The following GPHN variants were observed in gnomAD, a reference collection of about 807,000 sequenced individuals.
The protein encoded by GPHN is gephyrin.
In GPHN, 17 loss-of-function variants were observed where a neutral mutation model predicts 95.5. The ratio of observed to expected loss-of-function variants is 0.18; its 90% CI spans 0.12 to 0.27. The LOEUF (loss-of-function observed/expected upper bound fraction) is 0.27. Ranked by LOEUF, GPHN falls within the 10% of genes least tolerant of loss-of-function variation. GPHN has a pLI of 1.00. For synonymous variants in GPHN, 320 were observed against 322.5 expected (o/e 0.99, Z 0.08); for missense variants, 660 against 978.1 (o/e 0.67, Z 4.34).
chr14:67,646,949 T>C, the GPHN span: 1 of 1,610,108 alleles, frequency 6.2e-7, no homozygotes, highest in Non-Finnish European at 8.5e-7. Flanking sequence ...TGATATCCAG[T>C]ATTTTTCCAT....
Position 67,070,715 on chromosome 14 carries a change from A to AAAAAAATATATATATATATATATAT in GPHN, c.1144+11930_1144+11931insAAAAATATATATATATATATATATA. On this transcript the variant is annotated intron_variant, in intron 11 of 22. Coordinates refer to ENST00000478722, the MANE Select transcript of GPHN (RefSeq NM_020806.5). Reference sequence around the variant, plus strand: ...ATCTCAAAAAAAAAAAAAAAAAAAAAATATATATATATATCCAATCAGCAT... The same window carrying AAAAAAATATATATATATATATATAT: ...ATCTCAAAAAAAAAAAAAAAAAAAAAAAAAAATATATATATATATATATATATATATATATATATCCAATCAGCAT... 1.7e-4 allele frequency among the ~76,000 whole-genome samples: 14 copies of AAAAAAATATATATATATATATATAT among 80,668 alleles called. No homozygotes were observed. In the East Asian group the frequency reaches 3.2e-3, roughly 18 times the overall value. 52.9% of individuals were successfully genotyped at this position (80,668 alleles called of 152,430 possible).
chr14:67,289,994 G>A, the GPHN span, among the ~76,000 whole-genome samples: 2 of 151,854 alleles, frequency 1.3e-5, no homozygotes, highest in East Asian at 1.9e-4. Context: ...GGATGGTCTC[G>A]ATCTCCTGAC....
intron 4 of GPHN, among the ~76,000 whole-genome samples, chr14:66,853,351 G>A (rs970880437): frequency 2.0e-5 from 3 of 152,098 alleles, no homozygotes; most frequent in African/African-American, 7.2e-5. Flanking sequence ...AATAAAGTAT[G>A]CCTGTTAATC....
the GPHN span, among the ~76,000 whole-genome samples, chr14:67,249,700 CAAA>C: frequency 1.4e-4 from 21 of 152,284 alleles, no homozygotes; most frequent in Admixed American, 2.6e-4. Context: ...AAACTTCACA[CAAA>C]AAGTTGAGGA....
intron 21 of GPHN, among the ~76,000 whole-genome samples, chr14:67,175,288 C>T (rs1848725501): frequency 6.6e-6 from 1 of 152,172 alleles, no homozygotes; most frequent in Non-Finnish European, 1.5e-5. Context: ...TTTCAGCTTT[C>T]TACTTATGGC....
intron 2 of GPHN, among the ~76,000 whole-genome samples, chr14:66,723,638 A>C (rs1365354919): frequency 6.6e-6 from 1 of 152,066 alleles, no homozygotes; most frequent in Non-Finnish European, 1.5e-5. Context: ...CTTAGGTTGC[A>C]TTTATAGTTT....
At chr14:67,718,372 A>G in the GPHN span, among the ~76,000 whole-genome samples, 3 of 152,342 alleles carry the variant, frequency 2.0e-5, no homozygotes, top group East Asian at 5.8e-4. Flanking sequence ...AAGAGGCTCC[A>G]TTCTTAGTAG....
chr14:66,601,112 CAA>C (rs1478365412), intron 1 of GPHN, among the ~76,000 whole-genome samples: 1 of 151,988 alleles, frequency 6.6e-6, no homozygotes, highest in African/African-American at 2.4e-5. Context: ...GTTGAACAAT[CAA>C]TGAGTGTTTG....
chr14:67,576,574 A>G, the GPHN span: 1 of 792,350 alleles, frequency 1.3e-6, no homozygotes, highest in Non-Finnish European at 2.2e-6. The surrounding 1 kb of genome is among the most constrained non-coding windows in gnomAD (Gnocchi z 4.0). Context: ...CAAGATCCCA[A>G]AGAAAGCAGT....
chr14:67,032,273 C>T, intron 10 of GPHN, among the ~76,000 whole-genome samples: 1 of 152,238 alleles, frequency 6.6e-6, no homozygotes, highest in Middle Eastern at 3.4e-3. Context: ...GATGGAACTA[C>T]CACAGTTTGA....
the GPHN span, among the ~76,000 whole-genome samples, chr14:67,479,345 G>A: frequency 6.6e-6 from 1 of 151,198 alleles, no homozygotes; most frequent in Non-Finnish European, 1.5e-5. Context: ...CCAGGAGGTG[G>A]AGGTAGCAGT....
At chr14:66,930,682 T>C (rs1168242223) in intron 8 of GPHN, among the ~76,000 whole-genome samples, 4 of 152,026 alleles carry the variant, frequency 2.6e-5, no homozygotes, top group Admixed American at 2.0e-4. Context: ...CGCAACACCA[T>C]GACCAACTAA....
the GPHN span, among the ~76,000 whole-genome samples, chr14:67,262,530 T>G: frequency 6.6e-6 from 1 of 152,170 alleles, no homozygotes; most frequent in Non-Finnish European, 1.5e-5. Context: ...AGTGATCACT[T>G]TTCATTCCTT....
the GPHN span, among the ~76,000 whole-genome samples, chr14:67,223,099 A>G: frequency 6.7e-6 from 1 of 148,994 alleles, no homozygotes; most frequent in South Asian, 2.1e-4. Context: ...TCCTGGGTTC[A>G]AGTGATTCCC....
At chr14:66,702,787 G>A (rs2068684762) in intron 2 of GPHN, among the ~76,000 whole-genome samples, 1 of 152,148 alleles carries the variant, frequency 6.6e-6, no homozygotes, top group African/African-American at 2.4e-5. Flanking sequence ...CCTGATAGAG[G>A]ATGAGATGGA....
At chr14:66,703,649 G>A in intron 2 of GPHN, among the ~76,000 whole-genome samples, 1 of 91,380 alleles carries the variant, frequency 1.1e-5, no homozygotes, top group South Asian at 3.7e-4. Context: ...ACTAAATACG[G>A]AAAGGAAAAA....
At chr14:67,546,858 G>T in the GPHN span, among the ~76,000 whole-genome samples, 1 of 152,132 alleles carries the variant, frequency 6.6e-6, no homozygotes, top group Non-Finnish European at 1.5e-5. Flanking sequence ...GCAAAATCCT[G>T]TCTCAAAGGA....
intron 1 of GPHN, among the ~76,000 whole-genome samples, chr14:66,675,935 A>T (rs1205159682): frequency 6.6e-6 from 1 of 152,092 alleles, no homozygotes; most frequent in Non-Finnish European, 1.5e-5. Context: ...CTATAAAAAC[A>T]TCACTGATTC....
the GPHN span, among the ~76,000 whole-genome samples, chr14:67,418,428 C>G: frequency 5.3e-5 from 8 of 152,190 alleles, no homozygotes; most frequent in Non-Finnish European, 1.0e-4. Flanking sequence ...ATTCCCCTAT[C>G]CCCTGTGATA....
Sources: gnomAD v4.1 joint callset for allele counts (sites outside exome capture counted in the v4.1 genomes callset) on GRCh38, gnomAD v4.1.1 for gene constraint, Gnocchi (gnomAD v3.1) non-coding constraint, MANE v1.5 for transcripts, NCBI Gene and HGNC (gene_info 2026-07-23, HGNC 2026-07-21) for gene names.